Variants in SEPTIN9 observed in about 807,000 individuals in gnomAD.
SEPTIN9 encodes the protein septin-9.
A neutral mutation model predicts 56.6 loss-of-function variants in SEPTIN9; 13 were observed. The observed-to-expected ratio is 0.23, with a 90% CI of 0.15 to 0.37. The LOEUF is 0.37. Ranked by LOEUF, SEPTIN9 falls within the 10% of genes least tolerant of loss-of-function variation. SEPTIN9 has a pLI of 1.00. For missense variants in SEPTIN9, 650 were observed against 823.1 expected (o/e 0.79, Z 2.57); for synonymous variants, 332 against 334.1 (o/e 0.99, Z 0.07).
At chr17:77,291,755 G>A (rs1241774183) in intron 1 of SEPTIN9, among the ~76,000 whole-genome samples, 1 of 152,198 alleles carries the variant, frequency 6.6e-6, no homozygotes, top group Non-Finnish European at 1.5e-5. Context: ...TGGGAGTACA[G>A]GCGTGAGTCA....
chr17:77,321,167 C>T (rs2032906278), intron 2 of SEPTIN9, among the ~76,000 whole-genome samples: 1 of 152,206 alleles, frequency 6.6e-6, no homozygotes, highest in African/African-American at 2.4e-5. Context: ...CGCTGGGAGA[C>T]ATGGGGTGGC....
intron 2 of SEPTIN9, among the ~76,000 whole-genome samples, chr17:77,396,799 A>G (rs377571229): frequency 1.3e-5 from 2 of 152,212 alleles, no homozygotes; most frequent in South Asian, 2.1e-4. Flanking sequence ...TCATTGCCAC[A>G]TATCCCAGCA....
At chr17:77,293,211 G>A (rs776378332) in intron 1 of SEPTIN9, among the ~76,000 whole-genome samples, 1 of 151,972 alleles carries the variant, frequency 6.6e-6, no homozygotes, top group Admixed American at 6.6e-5. Context: ...TAGAGACAGG[G>A]TCTTGCTTTG....
intron 3 of SEPTIN9, among the ~76,000 whole-genome samples, chr17:77,464,633 C>T (rs1026360487): frequency 1.3e-4 from 20 of 151,340 alleles, no homozygotes; most frequent in African/African-American, 4.4e-4. Context: ...CGGAGTCTCG[C>T]TCTGTCGCCC....
intron 2 of SEPTIN9, among the ~76,000 whole-genome samples, chr17:77,352,355 C>T (rs2034092454): frequency 1.3e-5 from 2 of 151,880 alleles, no homozygotes; most frequent in South Asian, 4.2e-4. Flanking sequence ...TGCAGTGAGC[C>T]GAGATCGCGC....
At chr17:77,378,068 G>A (rs963973048) in intron 2 of SEPTIN9, among the ~76,000 whole-genome samples, 2 of 152,200 alleles carry the variant, frequency 1.3e-5, no homozygotes, top group African/African-American at 4.8e-5. Context: ...CCAGGCAGCA[G>A]ATGCACTGTG....
chr17:77,325,827 C>CGAGGGG, intron 2 of SEPTIN9, among the ~76,000 whole-genome samples: 1 of 152,180 alleles, frequency 6.6e-6, no homozygotes, highest in East Asian at 1.9e-4. Context: ...AGTCTCCATC[C>CGAGGGG]TGAAGCCACC....
intron 1 of SEPTIN9, chr17:77,288,283 C>T (rs932666280): frequency 2.7e-5 from 25 of 919,886 alleles, no homozygotes; most frequent in African/African-American, 1.6e-4. Context: ...GCGCCATGGC[C>T]GGGGCCCTCT....
chr17:77,297,477 C>T (rs2031869280), intron 1 of SEPTIN9, among the ~76,000 whole-genome samples: 2 of 152,176 alleles, frequency 1.3e-5, no homozygotes, highest in South Asian at 2.1e-4. Context: ...AGAAGCGATG[C>T]GTTACCAGCC....
At chr17:77,296,304 G>T (rs947228389) in intron 1 of SEPTIN9, among the ~76,000 whole-genome samples, 4 of 152,240 alleles carry the variant, frequency 2.6e-5, no homozygotes, top group Non-Finnish European at 5.9e-5. Flanking sequence ...GTCTGCATCA[G>T]CCAGGGCTCT....
Position 77,488,789 on chromosome 17 carries a change from A to C in SEPTIN9, c.1187A>C (p.Asn396Thr), listed in dbSNP as rs763187057. The C allele has an allele frequency of 6.2e-7, 1 of 1,613,940 alleles. No individual in the cohort carries two copies. Among genetic ancestry groups the C allele is most frequent in the Non-Finnish European group, 8.5e-7 (1 of 1,179,960 alleles). ...QYEKYLQEEV[N>T]INRKKRIPDT... is the part of the protein sequence containing the mutation. ...GAGAAATACCTGCAGGAGGAGGTCA[A>C]CATCAACCGCAAGAAGCGCATCCCG... Residue 396 changes from asparagine (N) to threonine (T), a missense_variant, in exon 7 of 12, where the codon AAC becomes ACC. This residue lies in a region of SEPTIN9 where 333 missense variants were observed against 494.0 expected (regional missense o/e 0.67). Coordinates refer to ENST00000427177, the MANE Select transcript of SEPTIN9 (RefSeq NM_001113491.2).
In SEPTIN9 at chr17:77,498,517, C is replaced by T; in HGVS notation, c.1626-6C>T. The stretch of plus-strand genomic sequence containing the variant: ...TCACTGACCCGCCCGCCCCCCACCC[C>T]CACAGGACGCACATGCAGAACATCA... On this transcript the variant is annotated splice_polypyrimidine_tract_variant and splice_region_variant and intron_variant, in intron 11 of 11. Coordinates refer to ENST00000427177, the MANE Select transcript of SEPTIN9 (RefSeq NM_001113491.2). 1 of 690,490 alleles carries T rather than the reference C, an allele frequency of 1.4e-6. No individual in the cohort carries two copies. The highest frequency in any genetic ancestry group is 2.3e-6 in the Non-Finnish European group (1 of 427,932). 42.8% of individuals were successfully genotyped at this position (690,490 alleles called of 1,614,324 possible). A position where few individuals can be genotyped will look rare whatever the true frequency, so the allele number is the denominator to read the frequency against.
At chr17:77,497,416 GC>G (rs1568126083) in intron 11 of SEPTIN9, 50 bp downstream of exon 11, 5 of 1,567,830 alleles carry the variant, frequency 3.2e-6, no homozygotes, top group Non-Finnish European at 3.5e-6. Context: ...CCCTAAGAGG[GC>G]CCTACAGCGG....
intron 2 of SEPTIN9, among the ~76,000 whole-genome samples, chr17:77,346,276 GTCTTTT>G (rs1292056575): frequency 3.2e-4 from 16 of 50,320 alleles, no homozygotes; most frequent in African/African-American, 5.6e-4. Context: ...AGATCCTTAG[GTCTTTT>G]TTTTTTTTTT....
rs147369857 is a variant in SEPTIN9 at position 77,432,583 on chromosome 17, C to T, written c.721+29880C>T. Among the ~76,000 whole-genome samples the T allele has an allele frequency of 5.2e-3, 786 of 152,352 alleles. 10 individuals carry two copies. The highest frequency in any genetic ancestry group is 0.028 in the South Asian group (134 of 4,834). On this transcript the variant is annotated intron_variant, in intron 3 of 11. Coordinates refer to ENST00000427177, the MANE Select transcript of SEPTIN9 (RefSeq NM_001113491.2). ...TTCCACCAGCCCCTCCTCAGGCCAG[C>T]TTAACCCTTCCGTGCTCGTTTTCTG... is the stretch of plus-strand genomic sequence containing the variant.
rs1054778901 is a variant in SEPTIN9 at position 77,367,069 on chromosome 17, T to C, written c.77-34990T>C. On this transcript the variant is annotated intron_variant, in intron 2 of 11. Coordinates refer to ENST00000427177, the MANE Select transcript of SEPTIN9 (RefSeq NM_001113491.2). This position sits in a 1 kb window ranked among gnomAD's most constrained non-coding sequence, Gnocchi z 4.5. Reference sequence around the variant, plus strand: ...CTTTGAGTGAAACCTTATGGTTGCATTGAAGCGGCCAGGCAGAGGGTGTGA... The same window carrying C: ...CTTTGAGTGAAACCTTATGGTTGCACTGAAGCGGCCAGGCAGAGGGTGTGA... Among the ~76,000 whole-genome samples, 1 of 152,198 alleles carries C rather than the reference T, an allele frequency of 6.6e-6. No individual in the cohort carries two copies. Among genetic ancestry groups the C allele is most frequent in the Non-Finnish European group, 1.5e-5 (1 of 68,036 alleles).
intron 2 of SEPTIN9, among the ~76,000 whole-genome samples, chr17:77,321,579 G>A (rs1451210703): frequency 6.6e-6 from 1 of 152,008 alleles, no homozygotes; most frequent in African/African-American, 2.4e-5. Flanking sequence ...TAGTAGAGAT[G>A]GGGTTTCACC....
Position 77,313,526 on chromosome 17 carries a change from A to AGCCT in SEPTIN9, c.76+6331_76+6334dup. On this transcript the variant is annotated intron_variant, in intron 2 of 11. Transcript: ENST00000427177. This position sits in a 1 kb window ranked among gnomAD's most constrained non-coding sequence, Gnocchi z 4.5. ...TCCAGAGAGGAATGCAGCTGGCCTC[A>AGCCT]GCCTGGGAATCCGTCTTGCTTGGGA... Among the ~76,000 whole-genome samples, 1 of 152,298 alleles carries AGCCT rather than the reference A, an allele frequency of 6.6e-6. No individual in the cohort carries two copies. The highest frequency in any genetic ancestry group is 1.9e-4 in the East Asian group (1 of 5,176).
At chr17:77,354,408 TTG>T (rs2034157090) in intron 2 of SEPTIN9, among the ~76,000 whole-genome samples, 1 of 151,966 alleles carries the variant, frequency 6.6e-6, no homozygotes, top group South Asian at 2.1e-4. Flanking sequence ...CCCACTTTGG[TTG>T]TGTTTTGCTG....
Sources: allele counts gnomAD v4.1 joint callset (sites outside exome capture counted in the v4.1 genomes callset), GRCh38; gene constraint gnomAD v4.1.1; regional missense constraint gnomAD v4.1.1; non-coding constraint Gnocchi (gnomAD v3.1); transcripts MANE v1.5; gene names NCBI Gene and HGNC (gene_info 2026-07-23, HGNC 2026-07-21).